SLC7A3: variants seen among roughly 807,000 people sequenced by gnomAD.
SLC7A3 encodes the protein cationic amino acid transporter 3.
SLC7A3 carries 3 observed loss-of-function variants against 33.2 expected under a neutral mutation model. The ratio of observed to expected loss-of-function variants is 0.09; its 90% CI spans 0.04 to 0.23. SLC7A3 has a LOEUF of 0.23. Among genes scored for constraint, SLC7A3 ranks in the 10% least tolerant of loss-of-function variants. The probability of loss-of-function intolerance (pLI) is 1.00; values close to 1 mark genes in which losing one functional copy is unlikely to be tolerated. For missense variants in SLC7A3, 360 were observed against 488.8 expected, an observed-to-expected ratio of 0.74 and a Z score of 2.48; for synonymous variants, 193 against 195.1, an observed-to-expected ratio of 0.99 and a Z score of 0.09.
intron 1 of SLC7A3, among the ~76,000 whole-genome samples, chrX:70,930,444 G>A (rs1395758437): frequency 9.0e-6 from 1 of 111,555 alleles, no homozygotes; most frequent in Admixed American, 9.5e-5. Flanking sequence ...TTCCCCCGGG[G>A]CTTCAAACAG....
intron 3 of SLC7A3, 27 bp downstream of exon 3, chrX:70,928,817 A>G: frequency 8.6e-7 from 1 of 1,164,088 alleles, no homozygotes; most frequent in Non-Finnish European, 1.1e-6. Flanking sequence ...CCCAACCCCC[A>G]CCATTATACC....
rs1249355870 is a variant in SLC7A3, at chrX:70,927,887, C to G, written c.954G>C (p.Glu318Asp). 2 of 1,206,841 alleles carry G rather than the reference C, an allele frequency of 1.7e-6. No homozygotes were observed. The highest frequency in any genetic ancestry group is 2.2e-6 in the Non-Finnish European group (2 of 893,518). ...AGAGAAATGCCTCAGGCAAAGGGCT[C>G]TCAGGCTGAAGCTGGTAGTAAGGCA... ...LMMPYYQLQP[E>D]SPLPEAFLYI... Residue 318 changes from glutamate (E) to aspartate (D), a missense_variant, in exon 6 of 12, where the codon GAG becomes GAC. Glu to Asp is a conservative substitution (Grantham distance 45, BLOSUM62 2). Transcript: ENST00000374299.
Position 70,929,729 on chromosome X carries a change from C to T in SLC7A3, c.269G>A (p.Arg90Gln), listed in dbSNP as rs748007422. ...ATATGCCGAACCAGAACGGGGAACC[C>T]GGGCACCAAACTCCGCATAGCACAG... is the stretch of plus-strand genomic sequence containing the variant. ...AGLCYAEFGARVPRSGSAYLY... is the reference protein window; with the variant it reads ...AGLCYAEFGAQVPRSGSAYLY... Residue 90 changes from arginine (R) to glutamine (Q), a missense_variant, in exon 2 of 12, where the codon CGG becomes CAG. Arg to Gln is a conservative substitution (Grantham distance 43). Transcript: ENST00000374299. 4 of 1,211,185 alleles carry T rather than the reference C, an allele frequency of 3.3e-6. No homozygotes were observed. Among genetic ancestry groups the T allele is most frequent in the Non-Finnish European group, 4.5e-6 (4 of 895,238 alleles).
rs370197571 is a variant in SLC7A3 at position 70,926,851 on chromosome X, C to T, written c.1453+24G>A. 33 of 1,199,209 alleles carry T rather than the reference C, an allele frequency of 2.8e-5. 1 individual carries two copies. In the African/African-American group the frequency reaches 5.3e-4, roughly 19 times the overall value. ...CCCAATCACGCTGATCTCAGAGCCA[C>T]CCCAGAAAAATTCCACTGCTCACCA... On this transcript the variant is annotated intron_variant, in intron 9 of 11. Coordinates refer to ENST00000374299, the MANE Select transcript of SLC7A3 (RefSeq NM_032803.6).
In SLC7A3 at chrX:70,928,919, T is replaced by C. The variant is rs371549979; in HGVS notation, c.454A>G (p.Ile152Val). The C allele has an allele frequency of 8.0e-5, 97 of 1,208,662 alleles. No individual in the cohort carries two copies. The highest frequency in any genetic ancestry group is 1.3e-4 in the Admixed American group (6 of 45,632). ...AGGACATGGGGCACGTGCAGTGCAA[T>C]GGACCCCTGCAGAGTCTTAGAGATG... ...NHISKTLQGS[I>V]ALHVPHVLAE... The change falls in exon 3 of 12, where the codon ATT (isoleucine) becomes GTT (valine). Residue 152 changes from isoleucine (I) to valine (V), a missense_variant. Physicochemically the swap from Ile to Val is conservative, Grantham distance 29. Coordinates refer to ENST00000374299, the MANE Select transcript of SLC7A3 (RefSeq NM_032803.6).
At position 70,928,833 on chromosome X, in the gene SLC7A3, C is replaced by T. The variant is rs768641022; in HGVS notation, c.529+11G>A. ...CCAACCCCCACCATTATACCCTGCT[C>T]TTTGCCTCACCAGTGAGCAGCAACA... is the stretch of plus-strand genomic sequence containing the variant. On this transcript the variant is annotated intron_variant, in intron 3 of 11. Transcript: ENST00000374299. 1.7e-6 allele frequency: 2 copies of T among 1,207,545 alleles called. No homozygotes were observed. The highest frequency in any genetic ancestry group is 3.5e-5 in the African/African-American group (2 of 56,599).
Position 70,929,698 on chromosome X carries a change from G to A in SLC7A3, c.300C>T (p.Tyr100=). The stretch of plus-strand genomic sequence containing the variant: ...AGAGTTCACCCACAGTGACATAGCT[G>A]TAGAGATATGCCGAACCAGAACGGG... ...RVPRSGSAYL[Y]SYVTVGELWA... Residue 100 remains tyrosine (Y), a synonymous_variant, in exon 2 of 12, where the codon TAC becomes TAT. Coordinates refer to ENST00000374299, the MANE Select transcript of SLC7A3 (RefSeq NM_032803.6). 2 of 1,211,102 alleles carry A rather than the reference G, an allele frequency of 1.7e-6. No individual in the cohort carries two copies. Among genetic ancestry groups the A allele is most frequent in the Non-Finnish European group, 2.2e-6 (2 of 895,151 alleles).
rs778712295 is a variant in SLC7A3 at position 70,929,028 on chromosome X, T to A, written c.371-26A>T. 7.5e-6 allele frequency: 9 copies of A among 1,202,944 alleles called. No homozygotes were observed. In the South Asian group the frequency reaches 1.6e-4, roughly 21 times the overall value. On this transcript the variant is annotated intron_variant, in intron 2 of 11. Coordinates refer to ENST00000374299, the MANE Select transcript of SLC7A3 (RefSeq NM_032803.6). ...CTGGTGTAGCAGAGAGAGAAACATG[T>A]GGCCAAGTTCCCTTCTTCCCAGACC... is the stretch of plus-strand genomic sequence containing the variant.
chrX:70,928,743 C>T (rs1602237619), intron 3 of SLC7A3, 101 bp downstream of exon 3: 3 of 1,138,057 alleles, frequency 2.6e-6, no homozygotes, highest in East Asian at 3.1e-5. Context: ...TATCACCTCC[C>T]TTAAGCCTTT....
Position 70,925,834 on chromosome X carries a change from A to C in SLC7A3, c.1839T>G (p.Thr613=), listed in dbSNP as rs1569467183. ...GATGTCAAACTGAGTGGACATAGAG[A>C]GTGCCGGGATCAAGGTCTACAGTTT... ...RAKTVDLDPG[T]LYVHSV is the part of the protein sequence containing the mutation. Residue 613 remains threonine, a synonymous_variant, in exon 12 of 12, where the codon ACT becomes ACG. Transcript: ENST00000374299. 6 of 1,209,342 alleles carry C rather than the reference A, an allele frequency of 5.0e-6. No homozygotes were observed. Among genetic ancestry groups the C allele is most frequent in the African/African-American group, 1.8e-5 (1 of 56,936 alleles).
intron 10 of SLC7A3, 121 bp from the exon 11 acceptor site, chrX:70,926,299 C>T (rs2091896603): frequency 1.4e-6 from 1 of 699,019 alleles, no homozygotes; most frequent in African/African-American, 2.2e-5. Context: ...ATTTCAGTAG[C>T]TGCTCATTTA....
chrX:70,929,113 C>G, intron 2 of SLC7A3, 111 bp from the exon 3 acceptor site: 2 of 788,929 alleles, frequency 2.5e-6, no homozygotes, highest in Non-Finnish European at 3.7e-6. Flanking sequence ...TGTTTTGAGA[C>G]CAAGTCTCAC....
rs1224532042 is a variant in SLC7A3, at chrX:70,926,920, T to C, written c.1408A>G (p.Thr470Ala). 5.8e-6 allele frequency: 7 copies of C among 1,207,955 alleles called. No individual in the cohort carries two copies. Among genetic ancestry groups the C allele is most frequent in the Non-Finnish European group, 7.8e-6 (7 of 894,785 alleles). Residue 470 changes from threonine (T) to alanine (A), a missense_variant, in exon 9 of 12, where the codon ACT (threonine) becomes GCT (alanine). By Grantham distance (58) the Thr-to-Ala change is moderately conservative. Coordinates refer to ENST00000374299, the MANE Select transcript of SLC7A3 (RefSeq NM_032803.6). ...TAGACAATTTGGCCAGAGAGTGGAGTGGGGATGGAGTTGAGTGGGAAAAAT... is the reference window on the plus strand; with the variant it reads ...TAGACAATTTGGCCAGAGAGTGGAGCGGGGATGGAGTTGAGTGGGAAAAAT... ...GLFFPLNSIP[T>A]PLSGQIVYVC...
At position 70,929,619 on chromosome X, in the gene SLC7A3, A is replaced by G; in HGVS notation, c.370+9T>C. On this transcript the variant is annotated intron_variant, in intron 2 of 11. Transcript: ENST00000374299. ...TGTGCAGTTCCCTCCCTCCCCCACCATATCTCACCAATGACATAGGAGAGG... is the reference window on the plus strand; with the variant it reads ...TGTGCAGTTCCCTCCCTCCCCCACCGTATCTCACCAATGACATAGGAGAGG... 8.3e-7 allele frequency: 1 copy of G among 1,200,525 alleles called. No individual in the cohort carries two copies. Among genetic ancestry groups the G allele is most frequent in the Non-Finnish European group, 1.1e-6 (1 of 889,774 alleles).
At chrX:70,926,727 A>G in intron 9 of SLC7A3, 34 bp from the exon 10 acceptor site, 2 of 1,170,369 alleles carry the variant, frequency 1.7e-6, no homozygotes, top group Non-Finnish European at 1.1e-6. Context: ...ATCAAAACCA[A>G]CTCTTAAGAC....
Position 70,929,721 on chromosome X carries a change from G to C in SLC7A3, c.277C>G (p.Arg93Gly), listed in dbSNP as rs371947710. The C allele has an allele frequency of 4.1e-6, 5 of 1,211,019 alleles. No homozygotes were observed. Among genetic ancestry groups the C allele is most frequent in the South Asian group, 1.8e-5 (1 of 56,839 alleles). The change falls in exon 2 of 12, where the codon CGT (arginine) becomes GGT (glycine). Residue 93 changes from arginine (R) to glycine (G), a missense_variant. Physicochemically the swap from Arg to Gly is moderately radical, Grantham distance 125. Coordinates refer to ENST00000374299, the MANE Select transcript of SLC7A3 (RefSeq NM_032803.6). ...CYAEFGARVP[R>G]SGSAYLYSYV... ...CTGTAGAGATATGCCGAACCAGAAC[G>C]GGGAACCCGGGCACCAAACTCCGCA...
At chrX:70,930,873 G>C (rs191489804) in intron 1 of SLC7A3, 104 bp downstream of exon 1, 1 of 111,928 alleles carries the variant, frequency 8.9e-6, no homozygotes, top group African/African-American at 3.2e-5. Flanking sequence ...AACAGGTCAC[G>C]GCCCCGTTGA....
chrX:70,928,269 G>A lies in SLC7A3; in HGVS notation c.708-12C>T. On this transcript the variant is annotated splice_polypyrimidine_tract_variant and intron_variant, in intron 4 of 11. Coordinates refer to ENST00000374299, the MANE Select transcript of SLC7A3 (RefSeq NM_032803.6). ...CCAGAGGACCCAAGCTAGAGTGGAA[G>A]AAGGGTTGGAGAAGGTAAGGGTGTG... The A allele has an allele frequency of 8.4e-7, 1 of 1,192,937 alleles. No homozygotes were observed. Among genetic ancestry groups the A allele is most frequent in the Non-Finnish European group, 1.1e-6 (1 of 879,096 alleles).
At chrX:70,928,080 A>T (rs2091901284) in intron 5 of SLC7A3, 60 bp from the exon 6 acceptor site, 7 of 1,184,232 alleles carry the variant, frequency 5.9e-6, no homozygotes, top group Non-Finnish European at 5.7e-6. Flanking sequence ...TACCACCCCC[A>T]GTCTGCATAC....
Sources: gnomAD v4.1 joint callset for allele counts (sites outside exome capture counted in the v4.1 genomes callset) on GRCh38, gnomAD v4.1.1 for gene constraint, MANE v1.5 for transcripts, NCBI Gene and HGNC (gene_info 2026-07-23, HGNC 2026-07-21) for gene names.